Variants in CRLF1 observed in about 807,000 individuals in gnomAD.
CRLF1 encodes cytokine receptor like factor 1.
A neutral mutation model predicts 48.9 loss-of-function variants in CRLF1; 36 were observed. That is an observed-to-expected ratio of 0.74 (90% confidence interval 0.56 to 0.97). The LOEUF (loss-of-function observed/expected upper bound fraction) is 0.97. Among genes scored for constraint, CRLF1 ranks in the 50% least tolerant of loss-of-function variants. The probability of loss-of-function intolerance (pLI) is 0.00; values close to 1 mark genes in which losing one functional copy is unlikely to be tolerated. For synonymous variants in CRLF1, 256 were observed against 253.4 expected, an observed-to-expected ratio of 1.01 and a Z score of -0.10; for missense variants, 534 against 575.1, an observed-to-expected ratio of 0.93 and a Z score of 0.73.
At position 18,596,624 on chromosome 19, in the gene CRLF1, C is replaced by T; in HGVS notation, c.1022G>A (p.Ser341Asn). ...CCCAGCCCTAGGAGGGTGCTCACCACTGCGGGGAGTGGAGGCGGCTGTGGG... is the reference window on the plus strand; with the variant it reads ...CCCAGCCCTAGGAGGGTGCTCACCATTGCGGGGAGTGGAGGCGGCTGTGGG... Reference protein sequence around the residue: ...SHPTAASTPRSERPGPGGGAC... With the variant: ...SHPTAASTPRNERPGPGGGAC... The change falls in exon 6 of 9, where the codon AGT (serine) becomes AAT (asparagine). Residue 341 changes from serine to asparagine, a missense_variant and splice_region_variant. Physicochemically the swap from Ser to Asn is conservative, Grantham distance 46 (BLOSUM62 1). Transcript: ENST00000392386. The T allele has an allele frequency of 6.2e-7, 1 of 1,613,956 alleles. No individual in the cohort carries two copies. Among genetic ancestry groups the T allele is most frequent in the Non-Finnish European group, 8.5e-7 (1 of 1,179,928 alleles).
At chr19:18,602,216 A>G (rs1976229881) in intron 1 of CRLF1, among the ~76,000 whole-genome samples, 1 of 152,186 alleles carries the variant, frequency 6.6e-6, no homozygotes, top group African/African-American at 2.4e-5. Flanking sequence ...GTCCATAGGG[A>G]AACCAAGGCC....
chr19:18,605,814 G>C (rs1327740820), intron 1 of CRLF1, among the ~76,000 whole-genome samples: 1 of 152,150 alleles, frequency 6.6e-6, no homozygotes, highest in East Asian at 1.9e-4. Flanking sequence ...TTCCCAGTGG[G>C]CCCCCTCAAA....
At chr19:18,594,031 C>CA in intron 8 of CRLF1, 34 bp downstream of exon 8, 6 of 1,299,848 alleles carry the variant, frequency 4.6e-6, no homozygotes, top group South Asian at 2.6e-5. Flanking sequence ...CCTCCCCTTG[C>CA]TCCCTCCCGC....
Position 18,594,716 on chromosome 19 carries a change from A to T in CRLF1, c.1025-282T>A, listed in dbSNP as rs1173457138. On this transcript the variant is annotated intron_variant, in intron 6 of 8. Transcript: ENST00000392386. ...TGTGGCCTGAGCCAGGTGCGAGTGG[A>T]GTGGGGGGAGGGGAGAATGAGAGAG... 5.3e-5 allele frequency among the ~76,000 whole-genome samples: 8 copies of T among 151,008 alleles called. No homozygotes were observed. In the East Asian group the frequency reaches 1.6e-3, roughly 30 times the overall value.
intron 1 of CRLF1, 124 bp from the exon 2 acceptor site, chr19:18,599,970 A>G: frequency 9.3e-7 from 1 of 1,071,638 alleles, no homozygotes; most frequent in South Asian, 2.0e-5. Flanking sequence ...CCCCCATTTT[A>G]CAGATAGGGA....
At chr19:18,594,030 G>GCGGGGGGCC in intron 8 of CRLF1, 35 bp downstream of exon 8, 12 of 1,315,304 alleles carry the variant, frequency 9.1e-6, no homozygotes, top group Non-Finnish European at 9.5e-6. Context: ...CCCTCCCCTT[G>GCGGGGGGCC]CTCCCTCCCG....
chr19:18,601,125 A>ATTTTGTTTT (rs1375303714), intron 1 of CRLF1, among the ~76,000 whole-genome samples: 1 of 151,886 alleles, frequency 6.6e-6, no homozygotes, highest in Non-Finnish European at 1.5e-5. Flanking sequence ...TTTCATTCTC[A>ATTTTGTTTT]TTTTGTTTTT....
chr19:18,597,391 C>T (rs1196728263), intron 4 of CRLF1, among the ~76,000 whole-genome samples: 2 of 151,574 alleles, frequency 1.3e-5, no homozygotes, highest in African/African-American at 2.4e-5. Context: ...TTCTGGGAAC[C>T]TCCCTGCCAC....
intron 4 of CRLF1, among the ~76,000 whole-genome samples, chr19:18,597,541 T>C (rs914143820): frequency 1.1e-4 from 17 of 147,980 alleles, no homozygotes; most frequent in Admixed American, 3.4e-4. Flanking sequence ...GCCATTCTCC[T>C]GCCTCAGCCT....
At chr19:18,594,508 C>T (rs1278770479) in intron 6 of CRLF1, 74 bp from the exon 7 acceptor site, 14 of 1,162,746 alleles carry the variant, frequency 1.2e-5, no homozygotes, top group Admixed American at 4.4e-5. Context: ...GGGGAGACCC[C>T]GGCGCGGCGG....
rs1976179759 is a variant in CRLF1 at position 18,598,820 on chromosome 19, T to C, written c.479A>G (p.His160Arg). Residue 160 changes from histidine to arginine, a missense_variant, in exon 3 of 9, where the codon CAC (histidine) becomes CGC (arginine). Transcript: ENST00000392386. ...DLTCRWTPGA[H>R]GETFLHTNYS... ...GTTGGTGTGGAGGAAGGTCTCCCCG[T>C]GGGCCCCTGGCGTCCAGCGGCAGGT... 2 of 1,614,050 alleles carry C rather than the reference T, an allele frequency of 1.2e-6. No individual in the cohort carries two copies. Among genetic ancestry groups the C allele is most frequent in the East Asian group, 4.5e-5 (2 of 44,870 alleles).
intron 1 of CRLF1, among the ~76,000 whole-genome samples, chr19:18,604,339 C>G (rs1422832221): frequency 1.3e-5 from 2 of 152,310 alleles, no homozygotes; most frequent in East Asian, 3.9e-4. Flanking sequence ...TCTCCCACCC[C>G]CTTAGCCCCA....
intron 8 of CRLF1, 54 bp from the exon 9 acceptor site, chr19:18,593,633 C>A: frequency 1.3e-6 from 2 of 1,570,028 alleles, no homozygotes; most frequent in East Asian, 2.3e-5. Flanking sequence ...AGGGCCGCAC[C>A]ACAGAGCCAC....
Position 18,599,568 on chromosome 19 carries a change from C to CA in CRLF1, c.393dup (p.Gly132TrpfsTer45). The CA allele has an allele frequency of 6.2e-7, 1 of 1,612,328 alleles. No homozygotes were observed. ...GGTGTCCTGGGTGCCAACTTACGGCCAACATAGAGGCAGGAGCCAGCCAGG... is the reference window on the plus strand; with the variant it reads ...GGTGTCCTGGGTGCCAACTTACGGCCAAACATAGAGGCAGGAGCCAGCCAGG... On this transcript the variant is annotated frameshift_variant, in exon 2 of 9. Transcript: ENST00000392386. LOFTEE classifies it high-confidence loss of function.
intron 6 of CRLF1, among the ~76,000 whole-genome samples, chr19:18,595,192 G>A (rs796999305): frequency 3.3e-5 from 5 of 152,300 alleles, no homozygotes; most frequent in Admixed American, 6.5e-5. Context: ...GCACGGCCCC[G>A]GCCCCCGCCG....
At chr19:18,594,032 T>TTGGCCCCCCCC in intron 8 of CRLF1, 33 bp downstream of exon 8, 1 of 695,814 alleles carries the variant, frequency 1.4e-6, no homozygotes, top group Non-Finnish European at 2.2e-6. Context: ...CTCCCCTTGC[T>TTGGCCCCCCCC]CCCTCCCGCC....
intron 1 of CRLF1, among the ~76,000 whole-genome samples, chr19:18,601,600 C>T (rs1228264174): frequency 6.6e-6 from 1 of 151,934 alleles, no homozygotes; most frequent in Admixed American, 6.6e-5. Flanking sequence ...GTCCAAGAAT[C>T]GCCATGTTGG....
chr19:18,593,403 A>C lies in CRLF1; in HGVS notation c.*163T>G, dbSNP rs1976082008. The C allele has an allele frequency of 1.1e-6, 1 of 950,904 alleles. No individual in the cohort carries two copies. The highest frequency in any genetic ancestry group is 1.7e-5 in the African/African-American group (1 of 60,410). The allele number at this position is 950,904 out of a possible 1,614,324, so 58.9% of individuals were successfully genotyped here. A position where few individuals can be genotyped will look rare whatever the true frequency, so the allele number is the denominator to read the frequency against. On this transcript the variant is annotated 3_prime_UTR_variant, in exon 9 of 9. Coordinates refer to ENST00000392386, the MANE Select transcript of CRLF1 (RefSeq NM_004750.5). Reference sequence around the variant, plus strand: ...CTGGGGTGCACCCAAAGGTGGCCTCACGTGGGAGTCAGAGCTGTTATGGCC... The same window carrying C: ...CTGGGGTGCACCCAAAGGTGGCCTCCCGTGGGAGTCAGAGCTGTTATGGCC...
rs1479617683 is a variant in CRLF1 at position 18,596,604 on chromosome 19, C to A, written c.1024+18G>T. ...TCGGACTGGCCGCTGGATCACCCAG[C>A]CCTAGGAGGGTGCTCACCACTGCGG... On this transcript the variant is annotated intron_variant, in intron 6 of 8. Coordinates refer to ENST00000392386, the MANE Select transcript of CRLF1 (RefSeq NM_004750.5). 5 of 1,613,612 alleles carry A rather than the reference C, an allele frequency of 3.1e-6. No individual in the cohort carries two copies. The East Asian group carries it at 1.1e-4, about 36-fold the overall frequency.
Sources: allele counts gnomAD v4.1 joint callset (sites outside exome capture counted in the v4.1 genomes callset), GRCh38; gene constraint gnomAD v4.1.1; transcripts MANE v1.5; gene names NCBI Gene and HGNC (gene_info 2026-07-23, HGNC 2026-07-21).